The following NFYB variants were observed in gnomAD, a reference collection of about 807,000 sequenced individuals.
NFYB encodes the protein CAAT box DNA-binding protein subunit B.
Under a neutral mutation model 28.0 loss-of-function variants are expected in NFYB, and 13 were observed. The ratio of observed to expected loss-of-function variants is 0.46; its 90% CI spans 0.30 to 0.74. The LOEUF (loss-of-function observed/expected upper bound fraction) is 0.74. Among genes scored for constraint, NFYB ranks in the 30% least tolerant of loss-of-function variants. The pLI, the probability that NFYB is intolerant of heterozygous loss-of-function variation, is 0.07. For synonymous variants in NFYB, 74 were observed against 75.0 expected (o/e 0.99, Z 0.07); for missense variants, 142 against 247.6 (o/e 0.57, Z 2.86).
chr12:104,123,680 C>G (rs1457600284), intron 4 of NFYB, among the ~76,000 whole-genome samples: 1 of 152,146 alleles, frequency 6.6e-6, no homozygotes, highest in Non-Finnish European at 1.5e-5. Context: ...TAAAAGAGTG[C>G]CTGGCAGGGT....
At chr12:104,129,008 G>A (rs2030828037) in intron 2 of NFYB, among the ~76,000 whole-genome samples, 1 of 152,114 alleles carries the variant, frequency 6.6e-6, no homozygotes, top group Non-Finnish European at 1.5e-5. Context: ...ATTTGTCCAC[G>A]ATTCAAGATT....
intron 3 of NFYB, 94 bp downstream of exon 3, chr12:104,128,330 A>G (rs2030796968): frequency 2.6e-6 from 2 of 770,304 alleles, no homozygotes; most frequent in East Asian, 5.6e-5. Flanking sequence ...TTTTCCTATA[A>G]AGACACAAGT....
chr12:104,123,175 C>CAAAAA, intron 5 of NFYB, 51 bp downstream of exon 5: 1 of 1,112,870 alleles, frequency 9.0e-7, no homozygotes, highest in Non-Finnish European at 1.2e-6. Flanking sequence ...TACTCCACCT[C>CAAAAA]AAAAAAAAAA....
intron 4 of NFYB, among the ~76,000 whole-genome samples, chr12:104,125,778 G>A (rs2030680459): frequency 6.6e-6 from 1 of 150,480 alleles, no homozygotes; most frequent in Admixed American, 6.6e-5. Flanking sequence ...AACCTGGGAG[G>A]CGGAGGTTGC....
At chr12:104,125,920 G>C (rs2030693464) in intron 4 of NFYB, among the ~76,000 whole-genome samples, 194 bp downstream of exon 4, 1 of 149,634 alleles carries the variant, frequency 6.7e-6, no homozygotes, top group South Asian at 2.1e-4. Flanking sequence ...GGAGAGAGGA[G>C]AACATTTAGG....
At chr12:104,125,598 C>T (rs551919793) in intron 4 of NFYB, among the ~76,000 whole-genome samples, 2 of 152,106 alleles carry the variant, frequency 1.3e-5, no homozygotes, top group Admixed American at 6.5e-5. Context: ...TCTATAATCC[C>T]AGCACTTTGG....
Position 104,128,473 on chromosome 12 carries a change from G to A in NFYB, c.51C>T (p.Ile17=), listed in dbSNP as rs2030806279. 2 of 1,612,774 alleles carry A rather than the reference G, an allele frequency of 1.2e-6. No individual in the cohort carries two copies. The highest frequency in any genetic ancestry group is 1.7e-6 in the Non-Finnish European group (2 of 1,179,206). The change falls in exon 3 of 8, where the codon ATC becomes ATT. Residue 17 remains isoleucine, a synonymous_variant. Transcript: ENST00000240055. ...SSTTDASQLG[I]SADYIGGSHY... The stretch of plus-strand genomic sequence containing the variant: ...GACTTCCTCCAATATAGTCTGCAGA[G>A]ATTCCTAGTTGAGAAGCATCTGTTG...
chr12:104,122,594 G>C (rs1005234420), intron 5 of NFYB, among the ~76,000 whole-genome samples: 11 of 152,172 alleles, frequency 7.2e-5, no homozygotes, highest in Non-Finnish European at 1.3e-4. Context: ...GCGCATGCAA[G>C]GGATCTAGGC....
At chr12:104,136,362 C>G (rs912379062) in intron 1 of NFYB, among the ~76,000 whole-genome samples, 3 of 152,172 alleles carry the variant, frequency 2.0e-5, no homozygotes, top group African/African-American at 4.8e-5. Flanking sequence ...TACTGATACG[C>G]ATCCAAGCAT....
chr12:104,124,374 C>T lies in NFYB; in HGVS notation c.232-951G>A, dbSNP rs145985939. ...GGTCTGGGGTCTAAAAATGAAACTC[C>T]AATGGATTAATCAAGCAATTGCAAA... is the stretch of plus-strand genomic sequence containing the variant. On this transcript the variant is annotated intron_variant, in intron 4 of 7. Coordinates refer to ENST00000240055, the MANE Select transcript of NFYB (RefSeq NM_006166.4). Among the ~76,000 whole-genome samples the T allele has an allele frequency of 8.5e-5, 13 of 152,220 alleles. No homozygotes were observed. In the East Asian group the frequency reaches 2.5e-3, roughly 29 times the overall value.
chr12:104,124,776 T>G (rs1166829292), intron 4 of NFYB, among the ~76,000 whole-genome samples: 1 of 152,234 alleles, frequency 6.6e-6, no homozygotes, highest in Non-Finnish European at 1.5e-5. Flanking sequence ...GGCTTGTGGC[T>G]ATGGTACTGA....
chr12:104,134,568 T>C (rs2031036439), intron 2 of NFYB, among the ~76,000 whole-genome samples: 2 of 152,200 alleles, frequency 1.3e-5, no homozygotes, highest in Non-Finnish European at 2.9e-5. Context: ...TCTTAACATA[T>C]TGTTATAAGA....
chr12:104,120,646 C>T (rs1311138328), intron 6 of NFYB, among the ~76,000 whole-genome samples, 167 bp from the exon 7 acceptor site: 1 of 152,064 alleles, frequency 6.6e-6, no homozygotes, highest in Non-Finnish European at 1.5e-5. Flanking sequence ...AAAAATGTTC[C>T]CTAAAAACCA....
At chr12:104,130,694 G>A (rs2030891333) in intron 2 of NFYB, among the ~76,000 whole-genome samples, 1 of 152,146 alleles carries the variant, frequency 6.6e-6, no homozygotes, top group South Asian at 2.1e-4. Flanking sequence ...ATGTGAAACA[G>A]TGCCCAAAAA....
intron 4 of NFYB, 59 bp from the exon 5 acceptor site, chr12:104,123,482 T>A: frequency 7.1e-7 from 1 of 1,405,684 alleles, no homozygotes; most frequent in Non-Finnish European, 9.9e-7. Context: ...CCTAACAACC[T>A]ACAAAAATGA....
At chr12:104,137,608 C>A in intron 1 of NFYB, 1 of 151,878 alleles carries the variant, frequency 6.6e-6, no homozygotes, top group South Asian at 1.9e-4. Context: ...ACGCCTGCCT[C>A]CCACCCGCCG....
rs1051106942 is a variant in NFYB, at chr12:104,118,996, T to C, written c.*741A>G. On this transcript the variant is annotated 3_prime_UTR_variant, in exon 8 of 8. Transcript: ENST00000240055. ...ACTAGGACTACATTAAACTTAAATA[T>C]ATTCCCACATTCTTAAAAATGTAAC... 7.2e-5 allele frequency: 11 copies of C among 152,208 alleles called. No homozygotes were observed. The highest frequency in any genetic ancestry group is 1.3e-4 in the Admixed American group (2 of 15,266). 9.4% of individuals were successfully genotyped at this position (152,208 alleles called of 1,614,324 possible).
At chr12:104,121,881 C>T (rs1424922782) in intron 5 of NFYB, among the ~76,000 whole-genome samples, 2 of 152,184 alleles carry the variant, frequency 1.3e-5, no homozygotes, top group South Asian at 2.1e-4. Context: ...GATTCAAACA[C>T]TAAAGATATT....
intron 3 of NFYB, 32 bp from the exon 4 acceptor site, chr12:104,126,276 T>C (rs12426862): frequency 0.099 from 143,383 of 1,444,168 alleles, 7,865 homozygotes; most frequent in Admixed American, 0.21. Context: ...GGTGTAAAGC[T>C]TCTTATTATT....
Sources: allele counts gnomAD v4.1 joint callset (sites outside exome capture counted in the v4.1 genomes callset), GRCh38; gene constraint gnomAD v4.1.1; transcripts MANE v1.5; gene names NCBI Gene and HGNC (gene_info 2026-07-23, HGNC 2026-07-21).